The following RANBP9 variants were observed in gnomAD, a reference collection of about 807,000 sequenced individuals.
RANBP9 encodes RAN binding protein 9.
Under a neutral mutation model 84.3 loss-of-function variants are expected in RANBP9, and 15 were observed. That is an observed-to-expected ratio of 0.18 (90% CI 0.12 to 0.27). The LOEUF is 0.27. Among genes scored for constraint, RANBP9 ranks in the 10% least tolerant of loss-of-function variants. The pLI, the probability that RANBP9 is intolerant of heterozygous loss-of-function variation, is 1.00. For synonymous variants in RANBP9, 392 were observed against 349.6 expected, an observed-to-expected ratio of 1.12 and a Z score of -1.35; for missense variants, 809 against 912.8, an observed-to-expected ratio of 0.89 and a Z score of 1.46.
At chr6:13,709,788 G>C (rs1758227208) in intron 1 of RANBP9, among the ~76,000 whole-genome samples, 1 of 152,202 alleles carries the variant, frequency 6.6e-6, no homozygotes, top group Admixed American at 6.5e-5. Flanking sequence ...TACTTATCAA[G>C]CTTCTTCTCA....
At chr6:13,654,342 C>T (rs189944809) in intron 4 of RANBP9, among the ~76,000 whole-genome samples, 73 of 152,184 alleles carry the variant, frequency 4.8e-4, no homozygotes, top group African/African-American at 1.5e-3. Flanking sequence ...AATTGGTGAA[C>T]GATATTCAAT....
chr6:13,642,729 C>T (rs1765095367), intron 6 of RANBP9, 138 bp from the exon 7 acceptor site: 8 of 477,336 alleles, frequency 1.7e-5, no homozygotes, highest in Non-Finnish European at 2.9e-5. Context: ...AGAACCTCAC[C>T]TTTAAAGTAA....
At position 13,622,198 on chromosome 6, in the gene RANBP9, A is replaced by G. The variant is rs1166117412; in HGVS notation, c.*164T>C. The G allele has an allele frequency of 1.9e-5, 12 of 623,842 alleles. No individual in the cohort carries two copies. The highest frequency in any genetic ancestry group is 2.8e-5 in the Non-Finnish European group (12 of 429,862). 38.6% of individuals were successfully genotyped at this position (623,842 alleles called of 1,614,324 possible). The stretch of plus-strand genomic sequence containing the variant: ...AAATAATTTCTCCTAACACTAAGTT[A>G]GAAAATCATTTGCATCATGCTGTAA... On this transcript the variant is annotated 3_prime_UTR_variant, in exon 14 of 14. Transcript: ENST00000011619.
intron 5 of RANBP9, among the ~76,000 whole-genome samples, chr6:13,652,132 T>C (rs1765312792): frequency 6.6e-6 from 1 of 152,242 alleles, no homozygotes; most frequent in South Asian, 2.1e-4. Flanking sequence ...TCCCATTCTC[T>C]GTTTTTTCCC....
intron 2 of RANBP9, among the ~76,000 whole-genome samples, chr6:13,692,542 A>AAAAAAAAAAAAAAAAC (rs1766349855): frequency 6.9e-6 from 1 of 145,898 alleles, no homozygotes. Context: ...AAAAAAAAAA[A>AAAAAAAAAAAAAAAAC]AAAAAAAAAA....
At chr6:13,676,323 C>CA (rs1039763713) in intron 2 of RANBP9, among the ~76,000 whole-genome samples, 9 of 151,014 alleles carry the variant, frequency 6.0e-5, no homozygotes, top group South Asian at 2.1e-4. Context: ...AATAACCTTC[C>CA]AAAAAAAACA....
chr6:13,625,869 A>G, intron 12 of RANBP9, 105 bp from the exon 13 acceptor site: 1 of 772,918 alleles, frequency 1.3e-6, no homozygotes, highest in Non-Finnish European at 2.2e-6. Flanking sequence ...GCACAGACTA[A>G]TAATGTAAAC....
At chr6:13,680,027 A>C (rs1287536950) in intron 2 of RANBP9, among the ~76,000 whole-genome samples, 3 of 152,190 alleles carry the variant, frequency 2.0e-5, no homozygotes, top group Non-Finnish European at 4.4e-5. Context: ...AAAAGACCCC[A>C]CAAGAAAAGA....
intron 1 of RANBP9, among the ~76,000 whole-genome samples, chr6:13,705,174 C>A (rs1251662535): frequency 5.9e-5 from 9 of 152,054 alleles, no homozygotes; most frequent in Admixed American, 5.9e-4. Flanking sequence ...GAAGCCAAGG[C>A]AGGCGGATCA....
rs548703784 is a variant in RANBP9 at position 13,692,468 on chromosome 6, AG to A, written c.683+4316del. The stretch of plus-strand genomic sequence containing the variant: ...CTTGAACCTGGGAGGCAGAGGTTAC[AG>A]TGAGCTGAAATCACACCATCGCACT... On this transcript the variant is annotated intron_variant, in intron 2 of 13. Transcript: ENST00000011619. 1.3e-3 allele frequency among the ~76,000 whole-genome samples: 176 copies of A among 131,362 alleles called. 1 individual carries two copies. The highest frequency in any genetic ancestry group is 4.6e-3 in the African/African-American group (163 of 35,230). The allele number at this position is 131,362 out of a possible 152,430, so 86.2% of individuals were successfully genotyped here.
rs901792801 is a variant in RANBP9, at chr6:13,622,290, A to G, written c.*72T>C. On this transcript the variant is annotated 3_prime_UTR_variant, in exon 14 of 14. Transcript: ENST00000011619. ...CATAATTTAAAAAATCTAAATTTCA[A>G]ATCAGCAGAGCTGGTCTACTTCCAT... 5.2e-6 allele frequency: 7 copies of G among 1,349,706 alleles called. No individual in the cohort carries two copies. The Admixed American group carries it at 1.7e-4, about 32-fold the overall frequency. 83.6% of individuals were successfully genotyped at this position (1,349,706 alleles called of 1,614,324 possible).
intron 1 of RANBP9, among the ~76,000 whole-genome samples, chr6:13,710,518 C>A (rs1758248324): frequency 1.3e-5 from 2 of 152,122 alleles, no homozygotes; most frequent in African/African-American, 4.8e-5. Flanking sequence ...TGCCTCTCTT[C>A]CCCCCTTGTA....
chr6:13,704,212 T>C (rs1489269823), intron 1 of RANBP9, among the ~76,000 whole-genome samples: 1 of 152,178 alleles, frequency 6.6e-6, no homozygotes, highest in Admixed American at 6.6e-5. Context: ...GAATCTATCT[T>C]CCAATCAGCT....
intron 2 of RANBP9, among the ~76,000 whole-genome samples, chr6:13,664,085 G>C (rs972253085): frequency 8.6e-5 from 13 of 152,038 alleles, no homozygotes; most frequent in Non-Finnish European, 1.9e-4. Flanking sequence ...AATAAAGCTG[G>C]CTCTATGTAC....
chr6:13,660,342 C>CA (rs1189186218), intron 2 of RANBP9, among the ~76,000 whole-genome samples: 47 of 149,810 alleles, frequency 3.1e-4, no homozygotes, highest in Admixed American at 1.1e-3. Context: ...AACCTTGTCT[C>CA]AAAAAAAAAC....
chr6:13,682,515 C>G (rs1412264814), intron 2 of RANBP9, among the ~76,000 whole-genome samples: 1 of 151,798 alleles, frequency 6.6e-6, no homozygotes, highest in African/African-American at 2.4e-5. Flanking sequence ...TGCAATGGCA[C>G]GATCTTGGCT....
intron 10 of RANBP9, among the ~76,000 whole-genome samples, chr6:13,636,761 CAACTTAT>C (rs1179089876): frequency 6.6e-6 from 1 of 152,194 alleles, no homozygotes; most frequent in Non-Finnish European, 1.5e-5. Flanking sequence ...TTCTCCATTA[CAACTTAT>C]ATCAATCACA....
At chr6:13,680,937 A>C (rs1297342070) in intron 2 of RANBP9, among the ~76,000 whole-genome samples, 1 of 152,206 alleles carries the variant, frequency 6.6e-6, no homozygotes, top group Non-Finnish European at 1.5e-5. Context: ...AAAATCCTCG[A>C]AGTATCTTTG....
chr6:13,641,655 A>G (rs756666347), intron 7 of RANBP9, among the ~76,000 whole-genome samples: 19 of 152,166 alleles, frequency 1.2e-4, no homozygotes, highest in Non-Finnish European at 2.4e-4. Flanking sequence ...CTTCTGAACA[A>G]AGGACTGAAA....
Sources: gnomAD v4.1 joint callset for allele counts (sites outside exome capture counted in the v4.1 genomes callset) on GRCh38, gnomAD v4.1.1 for gene constraint, MANE v1.5 for transcripts, NCBI Gene and HGNC (gene_info 2026-07-23, HGNC 2026-07-21) for gene names.